The following ATP1A4 variants were observed in gnomAD, a reference collection of about 807,000 sequenced individuals.
ATP1A4 encodes the protein ATPase Na+/K+ transporting subunit alpha 4.
A neutral mutation model predicts 114.3 loss-of-function variants in ATP1A4; 90 were observed. The ratio of observed to expected loss-of-function variants is 0.79; its 90% CI spans 0.66 to 0.94. ATP1A4 has a LOEUF of 0.94. ATP1A4 is among the 40% of genes least tolerant of loss of function. The pLI, the probability that ATP1A4 is intolerant of heterozygous loss-of-function variation, is 0.00. For synonymous variants in ATP1A4, 511 were observed against 494.1 expected, an observed-to-expected ratio of 1.03 and a Z score of -0.45; for missense variants, 1,222 against 1,313.6, an observed-to-expected ratio of 0.93 and a Z score of 1.08.
chr1:160,182,900 T>G (rs1377516477), intron 20 of ATP1A4: 2 of 152,206 alleles, frequency 1.3e-5, no homozygotes, highest in Non-Finnish European at 2.9e-5. Context: ...CTCGAACTCC[T>G]GACCTCAGGT....
chr1:160,156,398 G>A (rs12144820), intron 4 of ATP1A4, among the ~76,000 whole-genome samples: 47,822 of 151,044 alleles, frequency 0.32, 8,670 homozygotes, highest in East Asian at 0.43. Flanking sequence ...AATCTAAAGA[G>A]GAAACACCAT....
At chr1:160,186,086 C>CAAAAAAAAAAAAAAAAAAAAAAAAAAA (rs527303426) in intron 20 of ATP1A4, among the ~76,000 whole-genome samples, 190 bp from the exon 21 acceptor site, 2 of 32,790 alleles carry the variant, frequency 6.1e-5, no homozygotes, top group African/African-American at 1.3e-4. Flanking sequence ...GACTCTGTCG[C>CAAAAAAAAAAAAAAAAAAAAAAAAAAA]AAAAAAAAAA....
intron 6 of ATP1A4, 103 bp from the exon 7 acceptor site, chr1:160,164,053 A>C: frequency 1.4e-6 from 2 of 1,425,488 alleles, no homozygotes; most frequent in Non-Finnish European, 1.9e-6. Context: ...CCTATCTTTA[A>C]GGGTTTTTAG....
intron 6 of ATP1A4, among the ~76,000 whole-genome samples, chr1:160,161,812 C>T (rs879061655): frequency 1.3e-5 from 2 of 152,190 alleles, no homozygotes; most frequent in African/African-American, 4.8e-5. Flanking sequence ...GTCTGCTCCT[C>T]GAGTAGGACC....
intron 1 of ATP1A4, among the ~76,000 whole-genome samples, chr1:160,152,935 G>A (rs552986267): frequency 6.6e-6 from 1 of 152,252 alleles, no homozygotes; most frequent in South Asian, 2.1e-4. Flanking sequence ...TTGGGAGGCT[G>A]AGGCAGGAGA....
chr1:160,158,933 G>A (rs1652769099), intron 4 of ATP1A4, 69 bp from the exon 5 acceptor site: 1 of 1,543,768 alleles, frequency 6.5e-7, no homozygotes, highest in Non-Finnish European at 8.8e-7. Flanking sequence ...ATAACAGAAG[G>A]TTTTAGGCTA....
chr1:160,164,628 G>A (rs577436503), intron 7 of ATP1A4, among the ~76,000 whole-genome samples: 62 of 152,330 alleles, frequency 4.1e-4, no homozygotes, highest in Non-Finnish European at 7.8e-4. Context: ...CTCAATGAGA[G>A]AGGAAGCAAG....
rs1653363070 is a variant in ATP1A4, at chr1:160,174,095, A to G, written c.1992-16A>G. ...TCAACACTCAAAACTAGCCTTTTGAAATTATTTTCCCTCAGTGCTGCCAAA... is the reference window on the plus strand; with the variant it reads ...TCAACACTCAAAACTAGCCTTTTGAGATTATTTTCCCTCAGTGCTGCCAAA... On this transcript the variant is annotated splice_polypyrimidine_tract_variant and intron_variant, in intron 13 of 21. Coordinates refer to ENST00000368081, the MANE Select transcript of ATP1A4 (RefSeq NM_144699.4). 2 of 1,611,774 alleles carry G rather than the reference A, an allele frequency of 1.2e-6. No homozygotes were observed. The highest frequency in any genetic ancestry group is 3.3e-5 in the Admixed American group (2 of 59,728).
At position 160,167,348 on chromosome 1, in the gene ATP1A4, C is replaced by A. The variant is rs757229274; in HGVS notation, c.1427C>A (p.Ala476Glu). Residue 476 changes from alanine (A) to glutamate (E), a missense_variant, in exon 10 of 22, where the codon GCG becomes GAG. By Grantham distance (107) the Ala-to-Glu change is moderately radical (BLOSUM62 -1). Transcript: ENST00000368081. ...KFIEQSYSSV[A>E]EMREKNPKVA... ...ATCGAGCAGTCTTACAGCTCTGTGG[C>A]GGAGATGAGAGAGAAAAACCCCAAG... The A allele has an allele frequency of 1.9e-6, 3 of 1,611,882 alleles. No individual in the cohort carries two copies. Among genetic ancestry groups the A allele is most frequent in the Non-Finnish European group, 2.5e-6 (3 of 1,179,544 alleles).
intron 20 of ATP1A4, among the ~76,000 whole-genome samples, 190 bp from the exon 21 acceptor site, chr1:160,186,086 C>CAAGAAAAAAAAA (rs1653878673): frequency 3.0e-5 from 1 of 32,790 alleles, no homozygotes; most frequent in Non-Finnish European, 5.1e-5. Flanking sequence ...GACTCTGTCG[C>CAAGAAAAAAAAA]AAAAAAAAAA....
chr1:160,171,770 C>T lies in ATP1A4; in HGVS notation c.1854+13C>T. On this transcript the variant is annotated intron_variant, in intron 12 of 21. Transcript: ENST00000368081. ...TGCAGGAATTAAGGTAAATACTTGCCCAGACCAGGAGCCCCTCACCTGTCA... is the reference window on the plus strand; with the variant it reads ...TGCAGGAATTAAGGTAAATACTTGCTCAGACCAGGAGCCCCTCACCTGTCA... 1 of 1,612,110 alleles carries T rather than the reference C, an allele frequency of 6.2e-7. No homozygotes were observed. Among genetic ancestry groups the T allele is most frequent in the Non-Finnish European group, 8.5e-7 (1 of 1,178,844 alleles).
chr1:160,182,072 C>A (rs369701470), intron 20 of ATP1A4, 41 bp downstream of exon 20: 14 of 1,503,984 alleles, frequency 9.3e-6, no homozygotes, highest in Non-Finnish European at 1.2e-5. Context: ...TGTGCAGGCA[C>A]GGGGGAGCAT....
chr1:160,159,528 T>C lies in ATP1A4; in HGVS notation c.778+2T>C. Reference sequence around the variant, plus strand: ...TCTTTTCCACCAACTGTGTGGAAGGTGAATATCGAACCATAAGTAGCATAG... The same window carrying C: ...TCTTTTCCACCAACTGTGTGGAAGGCGAATATCGAACCATAAGTAGCATAG... On this transcript the variant is annotated splice_donor_variant, in intron 6 of 21. Coordinates refer to ENST00000368081, the MANE Select transcript of ATP1A4 (RefSeq NM_144699.4). LOFTEE classifies it high-confidence loss of function. 6.2e-7 allele frequency: 1 copy of C among 1,605,938 alleles called. No individual in the cohort carries two copies. The highest frequency in any genetic ancestry group is 1.1e-5 in the South Asian group (1 of 90,314).
chr1:160,164,679 G>A (rs1652972831), intron 7 of ATP1A4, among the ~76,000 whole-genome samples: 1 of 152,178 alleles, frequency 6.6e-6, no homozygotes, highest in South Asian at 2.1e-4. Flanking sequence ...CACTGAGAGT[G>A]AGTTCTAGTA....
chr1:160,182,152 T>A, intron 20 of ATP1A4, 121 bp downstream of exon 20: 1 of 774,706 alleles, frequency 1.3e-6, no homozygotes, highest in South Asian at 1.5e-5. Context: ...GAGCTACATG[T>A]ACACTCAGTG....
chr1:160,178,238 C>T (rs1011048400), intron 18 of ATP1A4, among the ~76,000 whole-genome samples: 3 of 151,772 alleles, frequency 2.0e-5, no homozygotes, highest in Non-Finnish European at 4.4e-5. Flanking sequence ...GCCTGTAATC[C>T]CAACCACTCG....
chr1:160,159,482 T>C lies in ATP1A4; in HGVS notation c.734T>C (p.Leu245Pro). The C allele has an allele frequency of 6.2e-7, 1 of 1,613,390 alleles. No homozygotes were observed. The highest frequency in any genetic ancestry group is 8.5e-7 in the Non-Finnish European group (1 of 1,179,852). ...CCTGACTTCACCCATGAGAACCCTC[T>C]GGAGACCCGAAACATCTGCTTCTTT... Reference protein sequence around the residue: ...RSPDFTHENPLETRNICFFST... With the variant: ...RSPDFTHENPPETRNICFFST... The change falls in exon 6 of 22, where the codon CTG (leucine) becomes CCG (proline). Residue 245 changes from leucine (L) to proline (P), a missense_variant. Coordinates refer to ENST00000368081, the MANE Select transcript of ATP1A4 (RefSeq NM_144699.4).
chr1:160,173,484 GA>G lies in ATP1A4; in HGVS notation c.1855-91del, dbSNP rs1031271465. ...GGAATGAGCGACTAAAACCCTTGTT[GA>G]AAAAAGCAGTGGTCTGTCAGTTCTC... On this transcript the variant is annotated intron_variant, in intron 12 of 21. Coordinates refer to ENST00000368081, the MANE Select transcript of ATP1A4 (RefSeq NM_144699.4). The G allele has an allele frequency of 2.6e-6, 4 of 1,510,780 alleles. No homozygotes were observed. The Admixed American group carries it at 7.9e-5, about 30-fold the overall frequency. The allele number at this position is 1,510,780 out of a possible 1,614,324, so 93.6% of individuals were successfully genotyped here.
At position 160,174,262 on chromosome 1, in the gene ATP1A4, G is replaced by A. The variant is rs1277378688; in HGVS notation, c.2142+1G>A. The A allele has an allele frequency of 1.2e-6, 2 of 1,614,060 alleles. No homozygotes were observed. Among genetic ancestry groups the A allele is most frequent in the East Asian group, 2.2e-5 (1 of 44,870 alleles). On this transcript the variant is annotated splice_donor_variant, in intron 14 of 21. Transcript: ENST00000368081. LOFTEE classifies it high-confidence loss of function. The stretch of plus-strand genomic sequence containing the variant: ...CATTGTCGAGGGATGTCAGAGGCTG[G>A]TAAGGAACGAAAAGGAGCCCCAAGG...
Sources: allele counts gnomAD v4.1 joint callset (sites outside exome capture counted in the v4.1 genomes callset), GRCh38; gene constraint gnomAD v4.1.1; transcripts MANE v1.5; gene names NCBI Gene and HGNC (gene_info 2026-07-23, HGNC 2026-07-21).